The following DLC1 variants were observed in gnomAD, a reference collection of about 807,000 sequenced individuals.
DLC1 encodes the protein rho GTPase-activating protein 7.
DLC1 carries 54 observed loss-of-function variants against 140.3 expected under a neutral mutation model. The observed-to-expected ratio is 0.38, with a 90% CI of 0.31 to 0.48. The LOEUF (loss-of-function observed/expected upper bound fraction) is 0.48. Ranked by LOEUF, DLC1 falls within the 20% of genes least tolerant of loss-of-function variation. DLC1 has a pLI of 0.96. For synonymous variants in DLC1, 986 were observed against 728.1 expected (o/e 1.35, Z -5.70); for missense variants, 2,536 against 1,907.0 (o/e 1.33, Z -6.14).
At chr8:13,154,212 T>G (rs1277660321) in intron 5 of DLC1, among the ~76,000 whole-genome samples, 1 of 152,224 alleles carries the variant, frequency 6.6e-6, no homozygotes, top group Non-Finnish European at 1.5e-5. Context: ...CACCAGGTGC[T>G]TGCGCTCCTC....
At chr8:13,296,722 C>T (rs1403121603) in intron 5 of DLC1, among the ~76,000 whole-genome samples, 5 of 151,702 alleles carry the variant, frequency 3.3e-5, no homozygotes, top group Admixed American at 6.6e-5. Context: ...TTTCTGCTTT[C>T]AAGGAGCTCT....
In DLC1 at chr8:13,486,447, G is replaced by C. The variant is rs374884445; in HGVS notation, c.1023+12602C>G. ...TAATATTAGGTTTGTGTTACATTTCGATGTTGGCCAATTCTTTCTGATTAC... is the reference window on the plus strand; with the variant it reads ...TAATATTAGGTTTGTGTTACATTTCCATGTTGGCCAATTCTTTCTGATTAC... On this transcript the variant is annotated intron_variant, in intron 2 of 17. Transcript: ENST00000276297. 2.3e-3 allele frequency among the ~76,000 whole-genome samples: 355 copies of C among 151,884 alleles called. 11 individuals are homozygous for C. In the South Asian group the frequency reaches 0.066, roughly 28 times the overall value.
intron 4 of DLC1, among the ~76,000 whole-genome samples, chr8:13,380,097 A>C (rs78600771): frequency 0.027 from 4,090 of 152,004 alleles, 92 homozygotes; most frequent in South Asian, 0.09. Context: ...CCTCACCACC[A>C]CTCCCATAAA....
chr8:13,123,895 A>G (rs777268035), intron 5 of DLC1, among the ~76,000 whole-genome samples: 7 of 152,156 alleles, frequency 4.6e-5, no homozygotes, highest in African/African-American at 1.7e-4. Context: ...AGGATCCCCA[A>G]TAGGAAATAC....
chr8:13,481,497 T>C (rs1387506171), intron 2 of DLC1, among the ~76,000 whole-genome samples: 1 of 152,096 alleles, frequency 6.6e-6, no homozygotes, highest in African/African-American at 2.4e-5. Flanking sequence ...ATAACTGACA[T>C]TCATAAAGCT....
At chr8:13,145,016 A>G (rs1333924784) in intron 5 of DLC1, among the ~76,000 whole-genome samples, 1 of 152,218 alleles carries the variant, frequency 6.6e-6, no homozygotes, top group Non-Finnish European at 1.5e-5. Flanking sequence ...AATGCAATAA[A>G]TTAAAAATCA....
intron 4 of DLC1, among the ~76,000 whole-genome samples, chr8:13,385,384 G>A (rs1447464273): frequency 6.6e-6 from 1 of 152,126 alleles, no homozygotes; most frequent in Non-Finnish European, 1.5e-5. Flanking sequence ...AGGTCATCTG[G>A]ATTATACCAG....
chr8:13,230,087 C>G (rs776723344), intron 5 of DLC1, among the ~76,000 whole-genome samples: 1 of 152,150 alleles, frequency 6.6e-6, no homozygotes, highest in Non-Finnish European at 1.5e-5. Flanking sequence ...TCCTAATGAG[C>G]CTTTGCTACT....
intron 2 of DLC1, among the ~76,000 whole-genome samples, chr8:13,406,116 C>T (rs140010205): frequency 1.3e-5 from 2 of 148,814 alleles, no homozygotes; most frequent in Non-Finnish European, 1.5e-5. Context: ...AAGCGATTCT[C>T]CTGCCTCAGC....
chr8:13,253,548 G>A lies in DLC1; in HGVS notation c.1348+51721C>T, dbSNP rs897782231. On this transcript the variant is annotated intron_variant, in intron 5 of 17. Transcript: ENST00000276297. ...AGGGAAAACAGCTATCAAAAATGTG[G>A]AATATTTACAATTGATTTTATTCCT... Among the ~76,000 whole-genome samples the A allele has an allele frequency of 1.8e-4, 27 of 152,180 alleles. No homozygotes were observed. The South Asian group carries it at 5.0e-3, about 28-fold the overall frequency.
At chr8:13,172,264 G>C (rs184660254) in intron 5 of DLC1, among the ~76,000 whole-genome samples, 1 of 152,280 alleles carries the variant, frequency 6.6e-6, no homozygotes, top group East Asian at 1.9e-4. Flanking sequence ...CACTAATGGA[G>C]ACCCCTGATA....
intron 5 of DLC1, among the ~76,000 whole-genome samples, chr8:13,176,539 A>C (rs1825769067): frequency 1.3e-5 from 2 of 152,180 alleles, no homozygotes; most frequent in African/African-American, 4.8e-5. Flanking sequence ...AGATTGTGCC[A>C]CTGCACTCCA....
chr8:13,587,052 A>G lies in DLC1; in HGVS notation c.-126+17485T>C, dbSNP rs566279843. The stretch of plus-strand genomic sequence containing the variant: ...TGTAGGTAGTGATTCCACCTATAAA[A>G]CAAGCTCCACTTGGGAAAATAGTTT... On this transcript the variant is annotated intron_variant, in intron 1 of 1. Coordinates refer to the DLC1 transcript ENST00000631382. Among the ~76,000 whole-genome samples the G allele has an allele frequency of 3.3e-5, 5 of 149,828 alleles. No homozygotes were observed. The East Asian group carries it at 7.9e-4, about 24-fold the overall frequency.
chr8:13,405,764 C>A (rs1031655604), intron 2 of DLC1, among the ~76,000 whole-genome samples: 1 of 152,076 alleles, frequency 6.6e-6, no homozygotes, highest in African/African-American at 2.4e-5. Flanking sequence ...TTGCAAGAAA[C>A]CTGTGAAGTC....
At chr8:13,550,635 T>C (rs1220884809) in intron 1 of DLC1, among the ~76,000 whole-genome samples, 1 of 152,152 alleles carries the variant, frequency 6.6e-6, no homozygotes, top group African/African-American at 2.4e-5. Context: ...TAAAACAAAA[T>C]ATCATTATGT....
intron 7 of DLC1, among the ~76,000 whole-genome samples, chr8:13,110,253 T>G (rs960922315): frequency 6.6e-6 from 1 of 152,198 alleles, no homozygotes; most frequent in Admixed American, 6.5e-5. Flanking sequence ...TTTAACTGTC[T>G]GTTGCCTATA....
rs569328516 is a variant in DLC1, at chr8:13,191,322, C to T, written c.1349-75665G>A. ...AGCAGTTCAAGACCAGCCTGGCCAA[C>T]ATGGTGAAACTCCGTCTCTACTAAA... On this transcript the variant is annotated intron_variant, in intron 5 of 17. Transcript: ENST00000276297. Among the ~76,000 whole-genome samples the T allele has an allele frequency of 2.5e-3, 377 of 152,304 alleles. 2 individuals carry two copies. The highest frequency in any genetic ancestry group is 4.3e-3 in the Admixed American group (65 of 15,294).
At chr8:13,529,059 A>C (rs1341589326) in intron 1 of DLC1, among the ~76,000 whole-genome samples, 2 of 152,232 alleles carry the variant, frequency 1.3e-5, no homozygotes, top group South Asian at 4.1e-4. Flanking sequence ...TTTATTACTC[A>C]ACGAGAAGAA....
chr8:13,144,762 C>T (rs1823294343), intron 5 of DLC1, among the ~76,000 whole-genome samples: 1 of 152,132 alleles, frequency 6.6e-6, no homozygotes, highest in Non-Finnish European at 1.5e-5. Context: ...GATACTCTGC[C>T]TCATAAACAA....
Sources: gnomAD v4.1 joint callset for allele counts (sites outside exome capture counted in the v4.1 genomes callset) on GRCh38, gnomAD v4.1.1 for gene constraint, MANE v1.5 for transcripts, NCBI Gene and HGNC (gene_info 2026-07-23, HGNC 2026-07-21) for gene names.